Variants in INPP4A observed in about 807,000 individuals in gnomAD.
INPP4A encodes the protein inositol polyphosphate-4-phosphatase, type I, 107kD.
Under a neutral mutation model 119.8 loss-of-function variants are expected in INPP4A, and 33 were observed. The ratio of observed to expected loss-of-function variants is 0.28; its 90% confidence interval spans 0.21 to 0.37. The LOEUF is 0.37. INPP4A is among the 10% of genes least tolerant of loss of function. The pLI is 1.00. For synonymous variants in INPP4A, 496 were observed against 500.7 expected (o/e 0.99, Z 0.12); for missense variants, 956 against 1,289.9 (o/e 0.74, Z 3.97).
chr2:98,564,776 G>T lies in INPP4A; in HGVS notation c.2152+13G>T. On this transcript the variant is annotated intron_variant, in intron 19 of 24. Coordinates refer to ENST00000409851, the MANE Select transcript of INPP4A (RefSeq NM_001134225.2). ...CTGAGCACCTACGGTGAGGCGCCCG[G>T]GCCAGGATCGGGAGCCCCACTTGCG... 6.4e-7 allele frequency: 1 copy of T among 1,566,724 alleles called. No homozygotes were observed. Among genetic ancestry groups the T allele is most frequent in the Non-Finnish European group, 8.7e-7 (1 of 1,154,112 alleles).
intron 1 of INPP4A, among the ~76,000 whole-genome samples, chr2:98,470,447 C>G (rs1293502708): frequency 6.6e-6 from 1 of 152,220 alleles, no homozygotes; most frequent in Non-Finnish European, 1.5e-5. Context: ...CTTCCCTCCG[C>G]AGGGAGGCAT....
chr2:98,463,553 C>T (rs749612775), intron 1 of INPP4A, among the ~76,000 whole-genome samples: 2 of 152,218 alleles, frequency 1.3e-5, no homozygotes, highest in African/African-American at 2.4e-5. Flanking sequence ...TCATCACAGG[C>T]GAGGTGATGC....
Position 98,552,810 on chromosome 2 carries a change from A to C in INPP4A, c.1188A>C (p.Ile396=). Residue 396 remains isoleucine, a synonymous_variant, in exon 14 of 25, where the codon ATA becomes ATC. Transcript: ENST00000409851. Reference sequence around the variant, plus strand: ...GTACATCATCTGGCTGCCAGTCCATAATCTACATACCCCAGGATGTTGTCA... The same window carrying C: ...GTACATCATCTGGCTGCCAGTCCATCATCTACATACCCCAGGATGTTGTCA... ...KKHTSSGCQS[I]IYIPQDVVRA... is the part of the protein sequence containing the mutation. The C allele has an allele frequency of 6.2e-7, 1 of 1,613,590 alleles. No homozygotes were observed. Among genetic ancestry groups the C allele is most frequent in the South Asian group, 1.1e-5 (1 of 91,044 alleles).
chr2:98,495,825 T>C (rs1681820057), intron 1 of INPP4A, among the ~76,000 whole-genome samples: 1 of 152,202 alleles, frequency 6.6e-6, no homozygotes, highest in African/African-American at 2.4e-5. Context: ...CGTGCCAGAC[T>C]CTTAGTTAAT....
In INPP4A at chr2:98,593,597, T is replaced by C. The variant is rs939481746; in HGVS notation, c.*5989T>C. 6.6e-6 allele frequency: 1 copy of C among 152,270 alleles called. No individual in the cohort carries two copies. The highest frequency in any genetic ancestry group is 1.5e-5 in the Non-Finnish European group (1 of 68,094). 9.4% of individuals were successfully genotyped at this position (152,270 alleles called of 1,614,324 possible). A position where few individuals can be genotyped will look rare whatever the true frequency, so the allele number is the denominator to read the frequency against. Reference sequence around the variant, plus strand: ...CCAGACTCTCCCCCAAGGTCCAGATTACCTATACATCTAAGCACCATGCCT... The same window carrying C: ...CCAGACTCTCCCCCAAGGTCCAGATCACCTATACATCTAAGCACCATGCCT... On this transcript the variant is annotated 3_prime_UTR_variant, in exon 25 of 25. Coordinates refer to ENST00000409851, the MANE Select transcript of INPP4A (RefSeq NM_001134225.2).
intron 23 of INPP4A, 25 bp downstream of exon 23, chr2:98,572,952 A>G: frequency 3.3e-6 from 5 of 1,515,934 alleles, no homozygotes; most frequent in Non-Finnish European, 4.5e-6. Flanking sequence ...GAGGAAAAGG[A>G]GGCTATTGCG....
chr2:98,496,326 A>G (rs1681934747), intron 1 of INPP4A, among the ~76,000 whole-genome samples: 1 of 152,228 alleles, frequency 6.6e-6, no homozygotes, highest in African/African-American at 2.4e-5. Context: ...ATCCACGTAC[A>G]GAAGAATGAA....
chr2:98,585,109 T>C (rs777367818), intron 24 of INPP4A, among the ~76,000 whole-genome samples: 1 of 152,222 alleles, frequency 6.6e-6, no homozygotes, highest in Non-Finnish European at 1.5e-5. Context: ...AATTGTTGTA[T>C]AAGTTTTTTC....
chr2:98,536,115 C>G lies in INPP4A; in HGVS notation c.388-14C>G. ...AAGCGCACCAATGCTGCCTCTCTTCCTTCTCTTCCTCAGATGTATTTACTG... is the reference window on the plus strand; with the variant it reads ...AAGCGCACCAATGCTGCCTCTCTTCGTTCTCTTCCTCAGATGTATTTACTG... On this transcript the variant is annotated splice_polypyrimidine_tract_variant and intron_variant, in intron 6 of 24. Coordinates refer to ENST00000409851, the MANE Select transcript of INPP4A (RefSeq NM_001134225.2). The G allele has an allele frequency of 2.5e-6, 4 of 1,578,906 alleles. No individual in the cohort carries two copies. The highest frequency in any genetic ancestry group is 3.5e-6 in the Non-Finnish European group (4 of 1,149,086).
chr2:98,528,728 G>A (rs1688632598), intron 4 of INPP4A, among the ~76,000 whole-genome samples: 1 of 152,184 alleles, frequency 6.6e-6, no homozygotes, highest in African/African-American at 2.4e-5. Flanking sequence ...AACCATGGAG[G>A]TCAGGAAGGT....
intron 1 of INPP4A, among the ~76,000 whole-genome samples, chr2:98,507,708 C>G (rs1684336715): frequency 6.6e-6 from 1 of 152,100 alleles, no homozygotes; most frequent in South Asian, 2.1e-4. Context: ...TGGACTGGCT[C>G]ATTTGCAGAG....
At chr2:98,449,047 G>A (rs1694788663) in intron 1 of INPP4A, among the ~76,000 whole-genome samples, 1 of 152,170 alleles carries the variant, frequency 6.6e-6, no homozygotes, top group Non-Finnish European at 1.5e-5. Flanking sequence ...GGCATATGCT[G>A]TGATTATCCC....
At chr2:98,505,122 A>G (rs1162895880) in intron 1 of INPP4A, among the ~76,000 whole-genome samples, 1 of 152,260 alleles carries the variant, frequency 6.6e-6, no homozygotes, top group Non-Finnish European at 1.5e-5. Context: ...TTTCTAGTAA[A>G]CAAAACCAAA....
chr2:98,568,094 T>G (rs1247988639), intron 21 of INPP4A, among the ~76,000 whole-genome samples: 1 of 152,214 alleles, frequency 6.6e-6, no homozygotes, highest in Non-Finnish European at 1.5e-5. Flanking sequence ...ACCTGCACGA[T>G]GACGAAAGGG....
intron 23 of INPP4A, among the ~76,000 whole-genome samples, chr2:98,575,131 T>TATG (rs1421539965): frequency 2.0e-5 from 3 of 152,208 alleles, no homozygotes; most frequent in Non-Finnish European, 4.4e-5. Context: ...TGTTTGTGTG[T>TATG]ATGAATAAAG....
chr2:98,533,817 A>G (rs1422037775), intron 5 of INPP4A, among the ~76,000 whole-genome samples: 1 of 152,222 alleles, frequency 6.6e-6, no homozygotes, highest in Non-Finnish European at 1.5e-5. Context: ...ACTTTGCAAG[A>G]GTGGTGCTCA....
intron 1 of INPP4A, among the ~76,000 whole-genome samples, chr2:98,506,651 T>A (rs922035758): frequency 1.3e-5 from 2 of 152,186 alleles, no homozygotes; most frequent in African/African-American, 4.8e-5. Flanking sequence ...CTTCTGTGGA[T>A]TGGAAACATT....
At chr2:98,551,728 T>G (rs959624024) in intron 13 of INPP4A, among the ~76,000 whole-genome samples, 2 of 152,184 alleles carry the variant, frequency 1.3e-5, no homozygotes, top group Non-Finnish European at 2.9e-5. Flanking sequence ...TAGGGACCAG[T>G]CAGGACCCCT....
intron 16 of INPP4A, 67 bp from the exon 17 acceptor site, chr2:98,559,396 T>C: frequency 1.3e-6 from 2 of 1,573,296 alleles, no homozygotes; most frequent in Non-Finnish European, 1.7e-6. Context: ...TGCTCTGAGA[T>C]TGAGTTGCTT....
Sources: allele counts gnomAD v4.1 joint callset (sites outside exome capture counted in the v4.1 genomes callset), GRCh38; gene constraint gnomAD v4.1.1; transcripts MANE v1.5; gene names NCBI Gene and HGNC (gene_info 2026-07-23, HGNC 2026-07-21).